The following RBX1 variants were observed in gnomAD, a reference collection of about 807,000 sequenced individuals.
RBX1 encodes the protein E3 ubiquitin-protein ligase RBX1.
For synonymous variants in RBX1, 48 were observed against 47.9 expected, an observed-to-expected ratio of 1.00 and a Z score of -0.01; for missense variants, 46 against 141.4, an observed-to-expected ratio of 0.33 and a Z score of 3.42.
intron 1 of RBX1, among the ~76,000 whole-genome samples, chr22:40,951,682 T>C (rs968819188): frequency 2.0e-5 from 3 of 151,932 alleles, no homozygotes; most frequent in South Asian, 2.1e-4. Context: ...GGTTTCGCTG[T>C]GAGGCTAAGG....
chr22:40,964,629 AGT>A (rs1388559848), intron 3 of RBX1, among the ~76,000 whole-genome samples: 1 of 152,210 alleles, frequency 6.6e-6, no homozygotes, highest in African/African-American at 2.4e-5. Context: ...GCCTTCCAAG[AGT>A]GTGACAGCTG....
At chr22:40,956,591 T>A (rs1275326866) in intron 2 of RBX1, among the ~76,000 whole-genome samples, 3 of 151,738 alleles carry the variant, frequency 2.0e-5, no homozygotes, top group African/African-American at 7.3e-5. Flanking sequence ...CCTCAGGTGA[T>A]CCATTCGCCT....
chr22:40,958,783 G>T (rs917452621), intron 2 of RBX1, among the ~76,000 whole-genome samples: 5 of 142,434 alleles, frequency 3.5e-5, no homozygotes, highest in Non-Finnish European at 6.1e-5. Context: ...ATTTTGGTTT[G>T]GTTTGGTTTG....
rs2058369821 is a variant in RBX1 at position 40,971,817 on chromosome 22, A to T, written c.315-659A>T. Reference sequence around the variant, plus strand: ...GGTGATCTGCCCACCTCAGCCCCCCAAAGTGCTGGGATTACAGGAGTGAGC... The same window carrying T: ...GGTGATCTGCCCACCTCAGCCCCCCTAAGTGCTGGGATTACAGGAGTGAGC... On this transcript the variant is annotated intron_variant, in intron 4 of 4. Transcript: ENST00000216225. Among the ~76,000 whole-genome samples, 3 of 152,190 alleles carry T rather than the reference A, an allele frequency of 2.0e-5. No individual in the cohort carries two copies. The South Asian group carries it at 6.2e-4, about 32-fold the overall frequency.
intron 1 of RBX1, among the ~76,000 whole-genome samples, chr22:40,952,714 T>A (rs113744478): frequency 6.6e-6 from 1 of 152,048 alleles, no homozygotes; most frequent in Non-Finnish European, 1.5e-5. Flanking sequence ...ATGGTAAGAA[T>A]CAAAATTCTA....
At chr22:40,964,589 A>G (rs745417292) in intron 3 of RBX1, among the ~76,000 whole-genome samples, 38 of 152,234 alleles carry the variant, frequency 2.5e-4, no homozygotes, top group Non-Finnish European at 4.7e-4. Context: ...TATGCCAGAA[A>G]TGTTTTGTGT....
At chr22:40,960,838 A>T (rs1337575972) in intron 2 of RBX1, among the ~76,000 whole-genome samples, 1 of 152,144 alleles carries the variant, frequency 6.6e-6, no homozygotes, top group South Asian at 2.1e-4. Flanking sequence ...AGCTCACTGC[A>T]ACCTCTGCCT....
chr22:40,955,841 G>A (rs1270960437), intron 2 of RBX1, among the ~76,000 whole-genome samples: 1 of 152,178 alleles, frequency 6.6e-6, no homozygotes, highest in Admixed American at 6.6e-5. Flanking sequence ...CTACAGCCAA[G>A]GAAGATCAGC....
At chr22:40,957,716 G>A (rs752379726) in intron 2 of RBX1, among the ~76,000 whole-genome samples, 1 of 152,148 alleles carries the variant, frequency 6.6e-6, no homozygotes, top group African/African-American at 2.4e-5. Flanking sequence ...TGCCCAGGCT[G>A]GAGCGCAGTG....
At position 40,951,412 on chromosome 22, in the gene RBX1, T is replaced by C. The variant is rs2146295200; in HGVS notation, c.14T>C (p.Met5Thr). Residue 5 changes from methionine to threonine, a missense_variant, in exon 1 of 5, where the codon ATG (methionine) becomes ACG (threonine). Physicochemically the swap from Met to Thr is moderately conservative, Grantham distance 81. Coordinates refer to ENST00000216225, the MANE Select transcript of RBX1 (RefSeq NM_014248.4). MAAA[M>T]DVDTPSGTNS... The stretch of plus-strand genomic sequence containing the variant: ...TGTGTTTCCAAAATGGCGGCAGCGA[T>C]GGATGTGGATACCCCGAGCGGCACC... 2 of 1,612,672 alleles carry C rather than the reference T, an allele frequency of 1.2e-6. No homozygotes were observed. Among genetic ancestry groups the C allele is most frequent in the Non-Finnish European group, 8.5e-7 (1 of 1,179,224 alleles).
At chr22:40,953,762 C>G (rs2058317709) in intron 2 of RBX1, 129 bp downstream of exon 2, 1 of 658,058 alleles carries the variant, frequency 1.5e-6, no homozygotes, top group Non-Finnish European at 2.9e-6. Flanking sequence ...TCTTCTGTAT[C>G]TAGTCTGTTG....
chr22:40,952,001 G>C (rs76329433), intron 1 of RBX1, among the ~76,000 whole-genome samples: 1 of 151,442 alleles, frequency 6.6e-6, no homozygotes, highest in Admixed American at 6.6e-5. Context: ...AGGGATCCTC[G>C]CTGAACCGAG....
chr22:40,962,495 CTTT>C (rs767224631), intron 2 of RBX1, among the ~76,000 whole-genome samples: 4 of 132,592 alleles, frequency 3.0e-5, no homozygotes, highest in African/African-American at 5.5e-5. Flanking sequence ...AATAGTTTTA[CTTT>C]TTTTTTTTTT....
At chr22:40,970,812 C>G (rs2146304753) in intron 4 of RBX1, among the ~76,000 whole-genome samples, 1 of 152,184 alleles carries the variant, frequency 6.6e-6, no homozygotes, top group Admixed American at 6.5e-5. Flanking sequence ...GTGATTTTGC[C>G]TTTAAATTCA....
chr22:40,973,042 A>G lies in RBX1; in HGVS notation c.*554A>G, dbSNP rs2058373351. 6.6e-6 allele frequency: 1 copy of G among 152,646 alleles called. No individual in the cohort carries two copies. The highest frequency in any genetic ancestry group is 1.5e-5 in the Non-Finnish European group (1 of 68,382). 9.5% of individuals were successfully genotyped at this position (152,646 alleles called of 1,614,324 possible). A position where few individuals can be genotyped will look rare whatever the true frequency, so the allele number is the denominator to read the frequency against. On this transcript the variant is annotated 3_prime_UTR_variant, in exon 5 of 5. Transcript: ENST00000216225. Reference sequence around the variant, plus strand: ...TCCTCTGTACTGTGGGCTTCTGAGGACTAAGTGGCATCATGTGGGCACAGA... The same window carrying G: ...TCCTCTGTACTGTGGGCTTCTGAGGGCTAAGTGGCATCATGTGGGCACAGA...
chr22:40,966,206 G>T (rs1482729133), intron 3 of RBX1: 2 of 152,246 alleles, frequency 1.3e-5, no homozygotes, highest in East Asian at 3.8e-4. Flanking sequence ...TCTGTAAACT[G>T]TCAAGTACTA....
intron 2 of RBX1, among the ~76,000 whole-genome samples, chr22:40,953,917 T>C (rs907077366): frequency 2.0e-5 from 3 of 152,158 alleles, no homozygotes; most frequent in Non-Finnish European, 1.5e-5. Context: ...CTGCATATCT[T>C]CCATCTTGTA....
At chr22:40,968,250 A>G (rs34633210) in intron 4 of RBX1, among the ~76,000 whole-genome samples, 9,943 of 151,810 alleles carry the variant, frequency 0.065, 1,064 homozygotes, top group African/African-American at 0.22. Flanking sequence ...GCCACCATGC[A>G]CAGCTAATTT....
rs2058348477 is a variant in RBX1 at position 40,964,364 on chromosome 22, T to A, written c.228+247T>A. 15 of 367,286 alleles carry A rather than the reference T, an allele frequency of 4.1e-5. No individual in the cohort carries two copies. In the South Asian group the frequency reaches 4.9e-4, roughly 12 times the overall value. The allele number at this position is 367,286 out of a possible 1,614,324, so 22.8% of individuals were successfully genotyped here. ...GTGGACCCAATTTTGTTAGCAGTAT[T>A]TTGGGGCTTCATCTATGGGAATTGC... On this transcript the variant is annotated intron_variant, in intron 3 of 4. Coordinates refer to ENST00000216225, the MANE Select transcript of RBX1 (RefSeq NM_014248.4).
Sources: allele counts gnomAD v4.1 joint callset (sites outside exome capture counted in the v4.1 genomes callset), GRCh38; gene constraint gnomAD v4.1.1; transcripts MANE v1.5; gene names NCBI Gene and HGNC (gene_info 2026-07-23, HGNC 2026-07-21).